CASK: variants seen among roughly 807,000 people sequenced by gnomAD.
CASK encodes peripheral plasma membrane protein CASK.
CASK carries 4 observed loss-of-function variants against 82.9 expected under a neutral mutation model. The observed-to-expected ratio is 0.05, with a 90% CI of 0.02 to 0.11. The LOEUF is 0.11. CASK is among the 10% of genes least tolerant of loss of function. The pLI, the probability that CASK is intolerant of heterozygous loss-of-function variation, is 1.00. For synonymous variants in CASK, 259 were observed against 253.5 expected (o/e 1.02, Z -0.20); for missense variants, 358 against 720.9 (o/e 0.50, Z 5.76).
chrX:41,764,773 T>C (rs1483910757), intron 3 of CASK, among the ~76,000 whole-genome samples: 1 of 111,649 alleles, frequency 9.0e-6, no homozygotes, highest in Admixed American at 9.5e-5. Context: ...TATCCAAATG[T>C]GTTCCTTCCT....
intron 11 of CASK, among the ~76,000 whole-genome samples, chrX:41,619,133 C>T (rs1238449506): frequency 9.0e-6 from 1 of 111,167 alleles, no homozygotes; most frequent in African/African-American, 3.3e-5. Context: ...TCTGTTCTCT[C>T]TTTAATCTCA....
chrX:41,698,170 A>G (rs1170491873), intron 5 of CASK: 1 of 112,176 alleles, frequency 8.9e-6, no homozygotes, highest in African/African-American at 3.2e-5. Flanking sequence ...ATGATAATAT[A>G]TACAAGATAC....
In CASK at chrX:41,651,198, C is replaced by T. The variant is rs116215159; in HGVS notation, c.831+9241G>A. 1.7e-3 allele frequency among the ~76,000 whole-genome samples: 194 copies of T among 111,866 alleles called. 2 individuals carry two copies. Among genetic ancestry groups the T allele is most frequent in the African/African-American group, 5.9e-3 (182 of 30,809 alleles). On this transcript the variant is annotated intron_variant, in intron 8 of 26. Transcript: ENST00000378163. ...GTAGGTATGGTATAATGTTAAACCA[C>T]CTTCTAAGAGATTTGAAAAATGACT...
intron 5 of CASK, among the ~76,000 whole-genome samples, chrX:41,708,048 T>C (rs1186695988): frequency 9.5e-6 from 1 of 105,629 alleles, no homozygotes; most frequent in African/African-American, 3.5e-5. Flanking sequence ...AACCAGGGAG[T>C]TGGAGGTTGC....
intron 13 of CASK, chrX:41,587,652 A>T (rs1310642902): frequency 2.7e-5 from 3 of 111,700 alleles, no homozygotes; most frequent in Non-Finnish European, 5.6e-5. Flanking sequence ...CTTTCCACTC[A>T]AATTTTCTTC....
At chrX:41,666,437 C>G (rs2067119707) in intron 6 of CASK, among the ~76,000 whole-genome samples, 1 of 112,104 alleles carries the variant, frequency 8.9e-6, no homozygotes, top group Non-Finnish European at 1.9e-5. Context: ...CCCTTCCTCC[C>G]TCTGTCTCTC....
intron 5 of CASK, among the ~76,000 whole-genome samples, chrX:41,719,613 T>C (rs770792723): frequency 2.7e-5 from 3 of 112,044 alleles, no homozygotes; most frequent in East Asian, 2.8e-4. Context: ...GCCAGCAGTT[T>C]TGCCACAAGA....
intron 1 of CASK, among the ~76,000 whole-genome samples, chrX:41,884,619 G>A (rs946676052): frequency 8.9e-6 from 1 of 112,166 alleles, no homozygotes; most frequent in Non-Finnish European, 1.9e-5. Flanking sequence ...TGCAGTAGAT[G>A]AGACAGTCAT....
chrX:41,601,911 T>C (rs1012441657), intron 12 of CASK, among the ~76,000 whole-genome samples: 1 of 111,626 alleles, frequency 9.0e-6, no homozygotes, highest in Non-Finnish European at 1.9e-5. Context: ...TATCCCCCTT[T>C]CCATGTAATT....
intron 12 of CASK, among the ~76,000 whole-genome samples, chrX:41,595,810 A>T (rs1186910924): frequency 1.8e-5 from 2 of 111,360 alleles, no homozygotes; most frequent in African/African-American, 6.5e-5. Flanking sequence ...GAATTCAGTA[A>T]TACACAATGC....
At chrX:41,743,262 A>C (rs764119896) in intron 4 of CASK, among the ~76,000 whole-genome samples, 1 of 111,660 alleles carries the variant, frequency 9.0e-6, no homozygotes, top group African/African-American at 3.3e-5. Context: ...AGAAGGGAAA[A>C]ATCCCCTTCT....
intron 3 of CASK, among the ~76,000 whole-genome samples, chrX:41,758,161 G>A (rs945058444): frequency 2.7e-5 from 3 of 111,363 alleles, no homozygotes; most frequent in Admixed American, 9.5e-5. Context: ...TGGGCTGGGC[G>A]CAGTGGCTCA....
intron 15 of CASK, among the ~76,000 whole-genome samples, chrX:41,576,126 C>T (rs1300902911): frequency 1.8e-5 from 2 of 109,813 alleles, no homozygotes; most frequent in Admixed American, 9.7e-5. Flanking sequence ...AGGCACCCAC[C>T]ACCACACCTG....
chrX:41,560,567 T>C (rs2147153138), intron 17 of CASK, among the ~76,000 whole-genome samples: 1 of 106,574 alleles, frequency 9.4e-6, no homozygotes, highest in South Asian at 4.4e-4. Context: ...CCCAGCCACT[T>C]TTTGCTTATT....
At chrX:41,901,677 G>A (rs2072384576) in intron 1 of CASK, among the ~76,000 whole-genome samples, 1 of 111,075 alleles carries the variant, frequency 9.0e-6, no homozygotes, top group South Asian at 3.8e-4. Context: ...TACGGCTTGA[G>A]TTTGCTAGGG....
intron 6 of CASK, among the ~76,000 whole-genome samples, chrX:41,667,191 G>A (rs1252082722): frequency 8.9e-6 from 1 of 111,751 alleles, no homozygotes; most frequent in South Asian, 3.8e-4. Flanking sequence ...TTCAATCTTC[G>A]GGAAGATGCC....
chrX:41,651,536 G>A (rs763747351), intron 8 of CASK, among the ~76,000 whole-genome samples: 36 of 111,382 alleles, frequency 3.2e-4, no homozygotes, highest in African/African-American at 1.0e-3. Flanking sequence ...GACTGCAGGT[G>A]CGCACCACCA....
At chrX:41,595,449 A>T (rs2065807168) in intron 12 of CASK, among the ~76,000 whole-genome samples, 1 of 110,717 alleles carries the variant, frequency 9.0e-6, no homozygotes. Context: ...ACAAAAAAAT[A>T]AAAAAATTTG....
intron 1 of CASK, among the ~76,000 whole-genome samples, chrX:41,907,334 G>T (rs1195398): frequency 0.19 from 21,491 of 111,213 alleles, 1,622 homozygotes; most frequent in Middle Eastern, 0.3. Flanking sequence ...CCAGAGCCAG[G>T]GGAGACTACA....
Sources: allele counts gnomAD v4.1 joint callset (sites outside exome capture counted in the v4.1 genomes callset), GRCh38; gene constraint gnomAD v4.1.1; transcripts MANE v1.5; gene names NCBI Gene and HGNC (gene_info 2026-07-23, HGNC 2026-07-21).